Variants in PHACTR2 observed in about 807,000 individuals in gnomAD.
The protein encoded by PHACTR2 is phosphatase and actin regulator 2.
In PHACTR2, 30 loss-of-function variants were observed where a neutral mutation model predicts 76.0. The ratio of observed to expected loss-of-function variants is 0.39; its 90% CI spans 0.30 to 0.54. The LOEUF is 0.54. Among genes scored for constraint, PHACTR2 ranks in the 20% least tolerant of loss-of-function variants. The pLI, the probability that PHACTR2 is intolerant of heterozygous loss-of-function variation, is 0.61. For synonymous variants in PHACTR2, 292 were observed against 292.5 expected, an observed-to-expected ratio of 1.00 and a Z score of 0.02; for missense variants, 696 against 781.1, an observed-to-expected ratio of 0.89 and a Z score of 1.30.
At position 143,547,423 on chromosome 6, in the gene PHACTR2, T is replaced by G. The variant is rs561131559; in HGVS notation, c.217+10216T>G. Among the ~76,000 whole-genome samples the G allele has an allele frequency of 6.6e-6, 1 of 152,188 alleles. No homozygotes were observed. The highest frequency in any genetic ancestry group is 1.5e-5 in the Non-Finnish European group (1 of 68,042). On this transcript the variant is annotated intron_variant, in intron 1 of 11. Coordinates refer to the PHACTR2 transcript ENST00000367584. The surrounding 1 kb of genome is among the most constrained non-coding windows in gnomAD (Gnocchi z 4.2). ...ACAATCATTTGGACAGCTAAGTCAT[T>G]CACATTACTTTATAGTAACACTGCG...
Position 143,546,257 on chromosome 6 carries a change from A to T in PHACTR2, c.217+9050A>T, listed in dbSNP as rs1022583019. Among the ~76,000 whole-genome samples, 2 of 152,130 alleles carry T rather than the reference A, an allele frequency of 1.3e-5. No individual in the cohort carries two copies. Among genetic ancestry groups the T allele is most frequent in the Non-Finnish European group, 2.9e-5 (2 of 68,024 alleles). On this transcript the variant is annotated intron_variant, in intron 1 of 11. Transcript: ENST00000367584. The surrounding 1 kb of genome is among the most constrained non-coding windows in gnomAD (Gnocchi z 4.9). ...TTTGTGACCTGTTGGCTAAAATTTG[A>T]CATTTATATGCCTTACTTTGCAGTT...
intron 1 of PHACTR2, among the ~76,000 whole-genome samples, chr6:143,685,941 GA>G (rs1378111300): frequency 1.3e-5 from 2 of 152,062 alleles, no homozygotes; most frequent in African/African-American, 4.8e-5. Flanking sequence ...AGACTAGTCT[GA>G]ACAAAATGGT....
chr6:143,599,189 A>T lies in PHACTR2; in HGVS notation c.217+61982A>T, dbSNP rs1775787333. 6.6e-6 allele frequency among the ~76,000 whole-genome samples: 1 copy of T among 152,214 alleles called. No homozygotes were observed. Among genetic ancestry groups the T allele is most frequent in the Non-Finnish European group, 1.5e-5 (1 of 68,030 alleles). ...AGACAAAAGCAGAATGGTGAAAAAG[A>T]ATCATTCTCTCAATTAATCTAAAGC... On this transcript the variant is annotated intron_variant, in intron 1 of 11. Transcript: ENST00000367584. The surrounding 1 kb of genome is among the most constrained non-coding windows in gnomAD (Gnocchi z 4.6).
rs1171887589 is a variant in PHACTR2, at chr6:143,807,932, C to A, written c.1922+799C>A. On this transcript the variant is annotated intron_variant, in intron 12 of 12. Transcript: ENST00000440869. This position sits in a 1 kb window ranked among gnomAD's most constrained non-coding sequence, Gnocchi z 5.5. Reference sequence around the variant, plus strand: ...AATATAAAGGAAGTTGCTGTATAACCTCCAACTTTAACAGCAAACTTCCCT... The same window carrying A: ...AATATAAAGGAAGTTGCTGTATAACATCCAACTTTAACAGCAAACTTCCCT... Among the ~76,000 whole-genome samples, 1 of 152,132 alleles carries A rather than the reference C, an allele frequency of 6.6e-6. No homozygotes were observed. Among genetic ancestry groups the A allele is most frequent in the Non-Finnish European group, 1.5e-5 (1 of 68,032 alleles).
At chr6:143,814,014 A>G (rs1342759381) in intron 12 of PHACTR2, among the ~76,000 whole-genome samples, 1 of 152,212 alleles carries the variant, frequency 6.6e-6, no homozygotes, top group Non-Finnish European at 1.5e-5. Flanking sequence ...GTTATGTACT[A>G]TGTTCTTACC....
intron 11 of PHACTR2, among the ~76,000 whole-genome samples, chr6:143,797,171 C>T (rs1392818084): frequency 6.6e-6 from 1 of 152,222 alleles, no homozygotes; most frequent in Non-Finnish European, 1.5e-5. Context: ...TGATGATGAG[C>T]ATCTTTTCAT....
At chr6:143,717,984 A>G (rs1268736315) in intron 2 of PHACTR2, among the ~76,000 whole-genome samples, 1 of 152,250 alleles carries the variant, frequency 6.6e-6, no homozygotes, top group Non-Finnish European at 1.5e-5. Context: ...TTAAGAAGCC[A>G]ATAAAATTGG....
chr6:143,784,212 A>G lies in PHACTR2; in HGVS notation c.1707+932A>G, dbSNP rs935154732. Among the ~76,000 whole-genome samples, 2 of 152,224 alleles carry G rather than the reference A, an allele frequency of 1.3e-5. No homozygotes were observed. The highest frequency in any genetic ancestry group is 4.8e-5 in the African/African-American group (2 of 41,442). ...GCTGGGTAAGTAATTTATTAAGTGAACTTGATCATCCAGCCTGCCTGCTAC... is the reference window on the plus strand; with the variant it reads ...GCTGGGTAAGTAATTTATTAAGTGAGCTTGATCATCCAGCCTGCCTGCTAC... On this transcript the variant is annotated intron_variant, in intron 10 of 12. Coordinates refer to ENST00000440869, the MANE Select transcript of PHACTR2 (RefSeq NM_001100164.2). The surrounding 1 kb of genome is among the most constrained non-coding windows in gnomAD (Gnocchi z 4.5).
chr6:143,676,005 G>C (rs1481184741), upstream of PHACTR2, among the ~76,000 whole-genome samples: 1 of 152,132 alleles, frequency 6.6e-6, no homozygotes, highest in East Asian at 1.9e-4. This position sits in a 1 kb window ranked among gnomAD's most constrained non-coding sequence, Gnocchi z 4.8. Flanking sequence ...TGATAAAAAG[G>C]CCACTTAAAT....
chr6:143,752,354 T>A (rs1031849282), intron 3 of PHACTR2, among the ~76,000 whole-genome samples: 17 of 152,104 alleles, frequency 1.1e-4, no homozygotes, highest in Admixed American at 2.0e-4. Flanking sequence ...TTTATCTGGA[T>A]ATATTGTGTT....
Position 143,659,114 on chromosome 6 carries a change from T to A in PHACTR2, c.13+50792T>A, listed in dbSNP as rs1582743958. ...AGGACTGGAGGTTGCCCTAGGTAAG[T>A]CTGTGAGTGAGTGATGGGTGAATGT... On this transcript the variant is annotated intron_variant, in intron 1 of 11. Transcript: ENST00000305766. The surrounding 1 kb of genome is among the most constrained non-coding windows in gnomAD (Gnocchi z 5.0). Among the ~76,000 whole-genome samples, 1 of 152,000 alleles carries A rather than the reference T, an allele frequency of 6.6e-6. No homozygotes were observed. The highest frequency in any genetic ancestry group is 1.9e-4 in the East Asian group (1 of 5,186).
rs1776212512 is a variant in PHACTR2 at position 143,624,158 on chromosome 6, G to C, written c.13+15836G>C. ...GTATTGCTCTTTTGCCCAGGCTGGA[G>C]TGCAGTGGCCCAATCTCGGCTCATT... On this transcript the variant is annotated intron_variant, in intron 1 of 11. Coordinates refer to the PHACTR2 transcript ENST00000305766. The surrounding 1 kb of genome is among the most constrained non-coding windows in gnomAD (Gnocchi z 4.6). Among the ~76,000 whole-genome samples, 1 of 152,084 alleles carries C rather than the reference G, an allele frequency of 6.6e-6. No individual in the cohort carries two copies. Among genetic ancestry groups the C allele is most frequent in the African/African-American group, 2.4e-5 (1 of 41,402 alleles).
Position 143,679,767 on chromosome 6 carries a change from C to CA in PHACTR2, c.46+1565dup, listed in dbSNP as rs11414176. Among the ~76,000 whole-genome samples, 43,269 of 151,810 alleles carry CA rather than the reference C, an allele frequency of 0.29. 6,230 individuals are homozygous for CA. Among genetic ancestry groups the CA allele is most frequent in the Middle Eastern group, 0.4 (117 of 292 alleles). On this transcript the variant is annotated intron_variant, in intron 1 of 12. Coordinates refer to ENST00000440869, the MANE Select transcript of PHACTR2 (RefSeq NM_001100164.2). This position sits in a 1 kb window ranked among gnomAD's most constrained non-coding sequence, Gnocchi z 4.6. Reference sequence around the variant, plus strand: ...TGAGACTCCCTACGTCTTAGTACAGCAAAAAAACCCGGATTGCTATAATTC... The same window carrying CA: ...TGAGACTCCCTACGTCTTAGTACAGCAAAAAAAACCCGGATTGCTATAATTC...
chr6:143,636,205 C>A (rs1317187743), intron 1 of PHACTR2, among the ~76,000 whole-genome samples: 2 of 143,072 alleles, frequency 1.4e-5, no homozygotes, highest in Non-Finnish European at 3.1e-5. Context: ...CAGAGTCAGA[C>A]CTGTCTCAGA....
rs1467215661 is a variant in PHACTR2 at position 143,658,692 on chromosome 6, G to T, written c.13+50370G>T. On this transcript the variant is annotated intron_variant, in intron 1 of 11. Transcript: ENST00000305766. The surrounding 1 kb of genome is among the most constrained non-coding windows in gnomAD (Gnocchi z 4.1). ...TAAACATATATCTAAACATAGAAAA[G>T]GTATAGCAAAACTATAGTGTAAAGA... Among the ~76,000 whole-genome samples the T allele has an allele frequency of 6.6e-6, 1 of 151,980 alleles. No individual in the cohort carries two copies. Among genetic ancestry groups the T allele is most frequent in the Non-Finnish European group, 1.5e-5 (1 of 67,986 alleles).
In PHACTR2 at chr6:143,641,076, T is replaced by G. The variant is rs577864340; in HGVS notation, c.13+32754T>G. ...CCACGATCAAGGTGCTGGCATCTGC[T>G]GAGGGCATTCTTCATGACTCAGGGA... is the stretch of plus-strand genomic sequence containing the variant. On this transcript the variant is annotated intron_variant, in intron 1 of 11. Coordinates refer to the PHACTR2 transcript ENST00000305766. This position sits in a 1 kb window ranked among gnomAD's most constrained non-coding sequence, Gnocchi z 5.8. Among the ~76,000 whole-genome samples, 19 of 152,286 alleles carry G rather than the reference T, an allele frequency of 1.2e-4. No homozygotes were observed. Among genetic ancestry groups the G allele is most frequent in the Non-Finnish European group, 2.8e-4 (19 of 68,016 alleles).
upstream of PHACTR2, among the ~76,000 whole-genome samples, chr6:143,603,598 T>C (rs1444400744): frequency 1.3e-5 from 2 of 152,182 alleles, no homozygotes; most frequent in African/African-American, 2.4e-5. Context: ...AAAATCCACA[T>C]AGTAGAACAT....
chr6:143,723,526 C>T (rs1480449593), intron 2 of PHACTR2, among the ~76,000 whole-genome samples: 1 of 152,214 alleles, frequency 6.6e-6, no homozygotes, highest in Non-Finnish European at 1.5e-5. Context: ...ACTTTTCCTG[C>T]TGGGTCTCAT....
intron 1 of PHACTR2, among the ~76,000 whole-genome samples, chr6:143,694,427 T>C (rs1227942970): frequency 6.6e-6 from 1 of 152,200 alleles, no homozygotes; most frequent in Admixed American, 6.5e-5. Flanking sequence ...CTAATCCCAG[T>C]GTGGTCAGTA....
Sources: allele counts gnomAD v4.1 joint callset (sites outside exome capture counted in the v4.1 genomes callset), GRCh38; gene constraint gnomAD v4.1.1; non-coding constraint Gnocchi (gnomAD v3.1); transcripts MANE v1.5; gene names NCBI Gene and HGNC (gene_info 2026-07-23, HGNC 2026-07-21).